Variants in EIF2B3 observed in about 807,000 individuals in gnomAD.
The protein encoded by EIF2B3 is translation initiation factor eIF2B subunit gamma.
A neutral mutation model predicts 54.1 loss-of-function variants in EIF2B3; 20 were observed. That is an observed-to-expected ratio of 0.37 (90% confidence interval 0.26 to 0.54). EIF2B3 has a LOEUF of 0.54. Among genes scored for constraint, EIF2B3 ranks in the 20% least tolerant of loss-of-function variants. The pLI is 0.86. For synonymous variants in EIF2B3, 153 were observed against 188.1 expected (o/e 0.81, Z 1.52); for missense variants, 448 against 547.8 (o/e 0.82, Z 1.82).
Position 44,944,422 on chromosome 1 carries a change from G to A in EIF2B3, c.295-2757C>T, listed in dbSNP as rs1016055660. On this transcript the variant is annotated intron_variant, in intron 3 of 11. Coordinates refer to ENST00000360403, the MANE Select transcript of EIF2B3 (RefSeq NM_020365.5). ...AGGCAGGAGGACTGCATGAGCCCAG[G>A]AGTTCAAGGTTAGAGTGAGCTATGA... Among the ~76,000 whole-genome samples the A allele has an allele frequency of 4.0e-5, 6 of 151,878 alleles. No individual in the cohort carries two copies. The East Asian group carries it at 1.2e-3, about 29-fold the overall frequency.
intron 1 of EIF2B3, among the ~76,000 whole-genome samples, chr1:44,984,464 C>G (rs1408189311): frequency 6.6e-6 from 1 of 151,600 alleles, no homozygotes; most frequent in Non-Finnish European, 1.5e-5. Context: ...GAGTGAGACC[C>G]TGTCCCAAAA....
chr1:44,891,433 A>G (rs948823712), intron 6 of EIF2B3, among the ~76,000 whole-genome samples: 16 of 152,126 alleles, frequency 1.1e-4, no homozygotes, highest in African/African-American at 3.9e-4. Context: ...AGCTGACAGA[A>G]TATTTCTGAA....
At chr1:44,985,677 A>G (rs1644566786) in intron 1 of EIF2B3, among the ~76,000 whole-genome samples, 1 of 152,204 alleles carries the variant, frequency 6.6e-6, no homozygotes, top group Admixed American at 6.5e-5. Flanking sequence ...GGGTGAAGAA[A>G]GGCAACCTAG....
chr1:44,952,327 T>C (rs1644174224), intron 3 of EIF2B3, among the ~76,000 whole-genome samples: 1 of 151,718 alleles, frequency 6.6e-6, no homozygotes, highest in Non-Finnish European at 1.5e-5. Flanking sequence ...CTTGAACTCC[T>C]GATCTCAGGT....
chr1:44,897,450 A>G lies in EIF2B3; in HGVS notation c.567-6T>C. 6.3e-7 allele frequency: 1 copy of G among 1,586,928 alleles called. No individual in the cohort carries two copies. The highest frequency in any genetic ancestry group is 1.1e-5 in the South Asian group (1 of 88,722). On this transcript the variant is annotated splice_polypyrimidine_tract_variant and splice_region_variant and intron_variant, in intron 5 of 11. Transcript: ENST00000360403. ...GGAAACGTATTCTAGGATGCCTGCA[A>G]AAAAATAAAAAATAAAAGAAAGAAA...
intron 6 of EIF2B3, among the ~76,000 whole-genome samples, chr1:44,890,618 C>T (rs191270000): frequency 1.3e-4 from 20 of 152,144 alleles, no homozygotes; most frequent in Admixed American, 9.2e-4. Context: ...CTTTGACTTT[C>T]GAAAATTCCT....
At chr1:44,961,106 CAGG>C (rs1344278616) in intron 3 of EIF2B3, among the ~76,000 whole-genome samples, 3 of 151,660 alleles carry the variant, frequency 2.0e-5, no homozygotes, top group African/African-American at 4.8e-5. Flanking sequence ...GAGGCTGAGG[CAGG>C]AGGATTGCTT....
chr1:44,985,722 A>G (rs1644567190), intron 1 of EIF2B3, among the ~76,000 whole-genome samples: 1 of 152,236 alleles, frequency 6.6e-6, no homozygotes, highest in Non-Finnish European at 1.5e-5. Flanking sequence ...ATAACTAATC[A>G]TGCTACCAGG....
intron 10 of EIF2B3, among the ~76,000 whole-genome samples, chr1:44,861,601 C>T (rs1453911882): frequency 6.6e-6 from 1 of 152,202 alleles, no homozygotes; most frequent in Non-Finnish European, 1.5e-5. Flanking sequence ...TAGCAATAAA[C>T]AGCCTGGTTT....
At chr1:44,917,493 TC>T (rs1643647059) in intron 5 of EIF2B3, among the ~76,000 whole-genome samples, 1 of 129,514 alleles carries the variant, frequency 7.7e-6, no homozygotes. Flanking sequence ...AAACTCCATC[TC>T]AAAAAAAAAA....
At chr1:44,923,094 A>G (rs1005423581) in intron 5 of EIF2B3, among the ~76,000 whole-genome samples, 3 of 152,066 alleles carry the variant, frequency 2.0e-5, no homozygotes, top group Non-Finnish European at 4.4e-5. Flanking sequence ...GAACTTTACT[A>G]TATTTATCAG....
In EIF2B3 at chr1:44,877,192, T is replaced by TAA. The variant is rs768263508; in HGVS notation, c.976-1499_976-1498dup. ...GCGAGAAACACCCAAGAATGATCAA[T>TAA]AAAAAAAAAAAAAAAAAAAAAAAAA... On this transcript the variant is annotated intron_variant, in intron 8 of 11. Transcript: ENST00000360403. Among the ~76,000 whole-genome samples, 82 of 52,076 alleles carry TAA rather than the reference T, an allele frequency of 1.6e-3. 9 individuals are homozygous for TAA. The highest frequency in any genetic ancestry group is 2.0e-3 in the Non-Finnish European group (57 of 28,206). The allele number at this position is 52,076 out of a possible 152,430, so 34.2% of individuals were successfully genotyped here.
At chr1:44,927,185 C>T (rs536669312) in intron 4 of EIF2B3, among the ~76,000 whole-genome samples, 6 of 151,450 alleles carry the variant, frequency 4.0e-5, no homozygotes, top group East Asian at 1.9e-4. Flanking sequence ...ATAATAAGTG[C>T]GTTAGGCCAT....
chr1:44,951,772 C>T (rs934092087), intron 3 of EIF2B3, among the ~76,000 whole-genome samples: 6 of 149,566 alleles, frequency 4.0e-5, no homozygotes, highest in Non-Finnish European at 5.9e-5. Flanking sequence ...CTTAAAACTT[C>T]AGCAGCTTCT....
At chr1:44,974,488 G>GA (rs1025167710) in intron 3 of EIF2B3, among the ~76,000 whole-genome samples, 27 of 144,876 alleles carry the variant, frequency 1.9e-4, no homozygotes, top group Middle Eastern at 3.5e-3. Context: ...AAAAAAAAAA[G>GA]AAAAAAAAAG....
At chr1:44,925,194 A>G (rs1643827653) in intron 5 of EIF2B3, 1 of 152,206 alleles carries the variant, frequency 6.6e-6, no homozygotes, top group Admixed American at 6.5e-5. Flanking sequence ...ATATATATCC[A>G]AAAGAACTGA....
At chr1:44,905,480 G>A (rs1417243477) in intron 5 of EIF2B3, among the ~76,000 whole-genome samples, 1 of 152,092 alleles carries the variant, frequency 6.6e-6, no homozygotes, top group Middle Eastern at 3.4e-3. Context: ...ACTACTCTAC[G>A]AGCTTCCGTA....
chr1:44,887,901 C>G (rs538465605), intron 6 of EIF2B3, among the ~76,000 whole-genome samples: 1 of 151,048 alleles, frequency 6.6e-6, no homozygotes, highest in African/African-American at 2.4e-5. Context: ...CTGTCTCCCC[C>G]CAAAAAAAAA....
At chr1:44,882,163 C>T (rs1167374083) in intron 6 of EIF2B3, among the ~76,000 whole-genome samples, 3 of 152,116 alleles carry the variant, frequency 2.0e-5, no homozygotes, top group Non-Finnish European at 4.4e-5. Flanking sequence ...TGTGCTAGGC[C>T]TTGGAAATAC....
Sources: allele counts gnomAD v4.1 joint callset (sites outside exome capture counted in the v4.1 genomes callset), GRCh38; gene constraint gnomAD v4.1.1; transcripts MANE v1.5; gene names NCBI Gene and HGNC (gene_info 2026-07-23, HGNC 2026-07-21).